Variants in WDFY3 observed in about 807,000 individuals in gnomAD.
WDFY3 encodes the protein WD repeat and FYVE domain-containing protein 3.
In WDFY3, 66 loss-of-function variants were observed where a neutral mutation model predicts 409.6. The ratio of observed to expected loss-of-function variants is 0.16; its 90% CI spans 0.13 to 0.20. The LOEUF is 0.20. WDFY3 is among the 10% of genes least tolerant of loss of function. The pLI is 1.00. For missense variants in WDFY3, 3,031 were observed against 4,298.1 expected (o/e 0.71, Z 8.24); for synonymous variants, 1,521 against 1,537.1 (o/e 0.99, Z 0.25).
intron 8 of WDFY3, among the ~76,000 whole-genome samples, chr4:84,831,209 T>C (rs1163780500): frequency 2.0e-5 from 3 of 147,990 alleles, no homozygotes; most frequent in East Asian, 2.0e-4. Context: ...AAAAGAAATA[T>C]CTATTGTTCA....
intron 56 of WDFY3, among the ~76,000 whole-genome samples, chr4:84,701,078 C>A (rs1731004245): frequency 6.6e-6 from 1 of 152,340 alleles, no homozygotes; most frequent in South Asian, 2.1e-4. Flanking sequence ...CCACTGCACT[C>A]CAGCTTGGGC....
rs189442831 is a variant in WDFY3 at position 84,779,603 on chromosome 4, A to C, written c.4365+505T>G. ...AATTTTTGTATTTTTAGTTTTCAGG[A>C]ATAGCAATGGTACACTTATTATGTA... On this transcript the variant is annotated intron_variant, in intron 26 of 67. Coordinates refer to ENST00000295888, the MANE Select transcript of WDFY3 (RefSeq NM_014991.6). Among the ~76,000 whole-genome samples, 4 of 152,118 alleles carry C rather than the reference A, an allele frequency of 2.6e-5. No individual in the cohort carries two copies. The East Asian group carries it at 7.7e-4, about 29-fold the overall frequency.
intron 1 of WDFY3, among the ~76,000 whole-genome samples, chr4:84,935,138 C>T (rs1771251650): frequency 6.6e-6 from 1 of 152,060 alleles, no homozygotes; most frequent in Admixed American, 6.6e-5. Context: ...AGCTTATTTT[C>T]CCCTCCAAGT....
intron 30 of WDFY3, among the ~76,000 whole-genome samples, chr4:84,771,441 A>G (rs942385802): frequency 5.3e-5 from 8 of 152,314 alleles, no homozygotes; most frequent in Non-Finnish European, 8.8e-5. Flanking sequence ...TTCAGCCCAC[A>G]TATTTTTTAT....
intron 2 of WDFY3, among the ~76,000 whole-genome samples, chr4:84,928,848 G>A (rs868015708): frequency 2.6e-5 from 4 of 151,980 alleles, no homozygotes; most frequent in East Asian, 1.9e-4. Context: ...AAAGTCACAC[G>A]CCACTTGAAT....
intron 2 of WDFY3, among the ~76,000 whole-genome samples, chr4:84,906,605 C>T (rs1767073290): frequency 6.6e-6 from 1 of 152,140 alleles, no homozygotes. Context: ...GCTCAAGTCC[C>T]TTATATAAAA....
chr4:84,704,405 G>A lies in WDFY3; in HGVS notation c.8375C>T (p.Ser2792Phe). 1 of 1,613,314 alleles carries A rather than the reference G, an allele frequency of 6.2e-7. No individual in the cohort carries two copies. Among genetic ancestry groups the A allele is most frequent in the Non-Finnish European group, 8.5e-7 (1 of 1,179,630 alleles). The change falls in exon 55 of 68, where the codon TCT (serine) becomes TTT (phenylalanine). Residue 2792 changes from serine (S) to phenylalanine (F), a missense_variant. Physicochemically the swap from Ser to Phe is radical, Grantham distance 155 (BLOSUM62 -2). Transcript: ENST00000295888. ...PAYHYGTHYS[S>F]AMIVASYLVR... Reference sequence around the variant, plus strand: ...AAGGTATGAGGCCACAATCATTGCAGATGAATAGTGGGTCCCATAGTGGTA... The same window carrying A: ...AAGGTATGAGGCCACAATCATTGCAAATGAATAGTGGGTCCCATAGTGGTA...
chr4:84,714,298 C>A (rs1733459924), intron 50 of WDFY3, among the ~76,000 whole-genome samples: 3 of 152,070 alleles, frequency 2.0e-5, no homozygotes. Context: ...TTTATAGAGA[C>A]AGGGTCTCAC....
At chr4:84,680,169 G>A (rs185074278) in intron 64 of WDFY3, among the ~76,000 whole-genome samples, 17 of 152,280 alleles carry the variant, frequency 1.1e-4, no homozygotes, top group African/African-American at 3.1e-4. Context: ...GATTACAGGC[G>A]TGGGCCACCA....
At chr4:84,856,879 A>G (rs1363368634) in intron 4 of WDFY3, among the ~76,000 whole-genome samples, 1 of 152,146 alleles carries the variant, frequency 6.6e-6, no homozygotes, top group African/African-American at 2.4e-5. Context: ...TTCACTCACC[A>G]TAGGTATTTG....
At chr4:84,773,025 C>T in intron 29 of WDFY3, 96 bp from the exon 30 acceptor site, 1 of 913,508 alleles carries the variant, frequency 1.1e-6, no homozygotes, top group Non-Finnish European at 1.6e-6. Flanking sequence ...GAATAAAAAC[C>T]AAAACAGTAC....
chr4:84,884,731 T>C (rs538685283), intron 3 of WDFY3, among the ~76,000 whole-genome samples: 2 of 152,166 alleles, frequency 1.3e-5, no homozygotes, highest in Non-Finnish European at 2.9e-5. Flanking sequence ...AGTGGCAGAA[T>C]GGTATAACAA....
chr4:84,690,659 C>A lies in WDFY3; in HGVS notation c.9210G>T (p.Met3070Ile). 6.2e-7 allele frequency: 1 copy of A among 1,611,770 alleles called. No homozygotes were observed. Among genetic ancestry groups the A allele is most frequent in the Non-Finnish European group, 8.5e-7 (1 of 1,178,892 alleles). ...ACTCAGACAAGCATTCATAAACAGT[C>A]ATGGCCTATAAAGTAAAACGGATGT... ...RLGTYESDKA[M>I]TVYECLSEWG... The change falls in exon 61 of 68, where the codon ATG becomes ATT. Residue 3070 changes from methionine (M) to isoleucine (I), a missense_variant. Met to Ile is a conservative substitution (Grantham distance 10). This residue lies in a region of WDFY3 where 152 missense variants were observed against 193.5 expected (regional missense o/e 0.79). Coordinates refer to ENST00000295888, the MANE Select transcript of WDFY3 (RefSeq NM_014991.6).
intron 65 of WDFY3, 60 bp from the exon 66 acceptor site, chr4:84,678,339 G>A: frequency 7.9e-7 from 1 of 1,264,794 alleles, no homozygotes; most frequent in Non-Finnish European, 1.2e-6. Context: ...ATACTGGGGA[G>A]AACTACTCTA....
At chr4:84,759,051 T>C (rs935192780) in intron 32 of WDFY3, among the ~76,000 whole-genome samples, 12 of 152,226 alleles carry the variant, frequency 7.9e-5, no homozygotes, top group Non-Finnish European at 1.6e-4. Flanking sequence ...CACCATTTAT[T>C]GAACAGGGAA....
At chr4:84,794,810 A>T in intron 20 of WDFY3, 69 bp downstream of exon 20, 1 of 1,518,872 alleles carries the variant, frequency 6.6e-7, no homozygotes. Flanking sequence ...CAACAAAAGC[A>T]AATAAACTCT....
At chr4:84,698,952 T>A (rs1730609293) in intron 56 of WDFY3, among the ~76,000 whole-genome samples, 1 of 152,146 alleles carries the variant, frequency 6.6e-6, no homozygotes, top group African/African-American at 2.4e-5. Context: ...CTTCCCAAAG[T>A]CCTGGAACTA....
rs1481861021 is a variant in WDFY3 at position 84,821,527 on chromosome 4, G to A, written c.1148C>T (p.Ala383Val). The change falls in exon 11 of 68, where the codon GCC becomes GTC. Residue 383 changes from alanine (A) to valine (V), a missense_variant. Transcript: ENST00000295888. ...GKGHSVRNVQ[A>V]FAVLQNAFLK... The stretch of plus-strand genomic sequence containing the variant: ...AAATGCATTCTGAAGAACTGCAAAG[G>A]CCTGGACGTTTCTCACACTGTGACC... 1.9e-6 allele frequency: 3 copies of A among 1,612,852 alleles called. No homozygotes were observed. The highest frequency in any genetic ancestry group is 2.5e-6 in the Non-Finnish European group (3 of 1,179,272).
At chr4:84,708,191 C>T (rs1283906008) in intron 53 of WDFY3, among the ~76,000 whole-genome samples, 2 of 152,148 alleles carry the variant, frequency 1.3e-5, no homozygotes, top group Non-Finnish European at 2.9e-5. Flanking sequence ...AAGTCATGTA[C>T]ATGTTGAATT....
Sources: allele counts gnomAD v4.1 joint callset (sites outside exome capture counted in the v4.1 genomes callset), GRCh38; gene constraint gnomAD v4.1.1; regional missense constraint gnomAD v4.1.1; transcripts MANE v1.5; gene names NCBI Gene and HGNC (gene_info 2026-07-23, HGNC 2026-07-21).